ROBO1: variants seen among roughly 807,000 people sequenced by gnomAD.
ROBO1 encodes the protein roundabout homolog 1.
Under a neutral mutation model 195.9 loss-of-function variants are expected in ROBO1, and 149 were observed. The observed-to-expected ratio is 0.76, with a 90% confidence interval of 0.67 to 0.87. ROBO1 has a LOEUF of 0.87. Among genes scored for constraint, ROBO1 ranks in the 40% least tolerant of loss-of-function variants. ROBO1 has a pLI of 0.00. For missense variants in ROBO1, 1,933 were observed against 2,068.3 expected, an observed-to-expected ratio of 0.93 and a Z score of 1.27; for synonymous variants, 816 against 733.2, an observed-to-expected ratio of 1.11 and a Z score of -1.82.
chr3:78,849,356 C>T (rs2033882731), intron 4 of ROBO1, among the ~76,000 whole-genome samples: 1 of 151,848 alleles, frequency 6.6e-6, no homozygotes, highest in African/African-American at 2.4e-5. Flanking sequence ...TATTTTGGAC[C>T]CCAATTTATC....
intron 2 of ROBO1, among the ~76,000 whole-genome samples, chr3:79,175,142 A>C (rs2081243262): frequency 1.3e-5 from 2 of 152,176 alleles, no homozygotes; most frequent in African/African-American, 4.8e-5. Flanking sequence ...AGTTTATTTT[A>C]GGGTTCTCTC....
chr3:79,534,018 T>C lies in ROBO1; in HGVS notation c.88+55806A>G, dbSNP rs540583266. 2.6e-5 allele frequency among the ~76,000 whole-genome samples: 4 copies of C among 152,064 alleles called. No individual in the cohort carries two copies. The South Asian group carries it at 8.3e-4, about 32-fold the overall frequency. ...TAGTCCAGTGTGCTCACGAGGGTCC[T>C]TAAATGCAGAAGAGGAAAGCAGATG... On this transcript the variant is annotated intron_variant, in intron 2 of 30. Coordinates refer to ENST00000464233, the MANE Select transcript of ROBO1 (RefSeq NM_002941.4).
intron 2 of ROBO1, among the ~76,000 whole-genome samples, chr3:79,221,708 A>C (rs1237061930): frequency 2.0e-5 from 3 of 152,110 alleles, no homozygotes; most frequent in Non-Finnish European, 2.9e-5. Context: ...GAAAATATAC[A>C]TTTTTGGTAC....
intron 2 of ROBO1, among the ~76,000 whole-genome samples, chr3:79,556,094 CTTTAG>C (rs1384000556): frequency 6.6e-6 from 1 of 151,914 alleles, no homozygotes; most frequent in African/African-American, 2.4e-5. Context: ...GTCAAAATGC[CTTTAG>C]TTTAGTAAAC....
At chr3:79,400,154 C>T (rs1375120928) in intron 2 of ROBO1, among the ~76,000 whole-genome samples, 3 of 152,006 alleles carry the variant, frequency 2.0e-5, no homozygotes, top group Non-Finnish European at 4.4e-5. Context: ...AAAAATACTG[C>T]AATCAGCTAA....
At chr3:79,192,852 G>T (rs150822517) in intron 2 of ROBO1, among the ~76,000 whole-genome samples, 1 of 151,768 alleles carries the variant, frequency 6.6e-6, no homozygotes, top group East Asian at 1.9e-4. Context: ...TGTTTATTTA[G>T]GAGGGGAAGG....
chr3:79,412,209 C>T (rs1327614305), intron 2 of ROBO1, among the ~76,000 whole-genome samples: 2 of 152,100 alleles, frequency 1.3e-5, no homozygotes, highest in African/African-American at 4.8e-5. Context: ...TTTGAATTAT[C>T]AGGCAAGGTT....
chr3:78,711,325 C>CCT lies in ROBO1; in HGVS notation c.1045+3071_1045+3072insAG, dbSNP rs755354146. Among the ~76,000 whole-genome samples, 158 of 104,862 alleles carry CCT rather than the reference C, an allele frequency of 1.5e-3. 4 individuals carry two copies. Among genetic ancestry groups the CCT allele is most frequent in the African/African-American group, 4.7e-3 (135 of 28,516 alleles). 68.8% of individuals were successfully genotyped at this position (104,862 alleles called of 152,430 possible). On this transcript the variant is annotated intron_variant, in intron 8 of 30. Coordinates refer to ENST00000464233, the MANE Select transcript of ROBO1 (RefSeq NM_002941.4). ...TTTCTTTCTTTCTTTCTCTCTCTCTCTCCTTCCTTCCTTCCTTCCTTCCTC... is the reference window on the plus strand; with the variant it reads ...TTTCTTTCTTTCTTTCTCTCTCTCTCCTTCCTTCCTTCCTTCCTTCCTTCCTC...
In ROBO1 at chr3:79,300,896, G is replaced by T. The variant is rs188622496; in HGVS notation, c.89-175357C>A. Among the ~76,000 whole-genome samples, 188 of 152,166 alleles carry T rather than the reference G, an allele frequency of 1.2e-3. 7 individuals carry two copies. The South Asian group carries it at 0.038, about 31-fold the overall frequency. On this transcript the variant is annotated intron_variant, in intron 2 of 30. Coordinates refer to ENST00000464233, the MANE Select transcript of ROBO1 (RefSeq NM_002941.4). ...CACTCTGTATCTAGCTAATCTGTTG[G>T]GGAGGTGGAGAACCTTTGTGTCTAG...
At chr3:79,598,934 C>T (rs1235741230) in intron 1 of ROBO1, among the ~76,000 whole-genome samples, 1 of 152,104 alleles carries the variant, frequency 6.6e-6, no homozygotes, top group South Asian at 2.1e-4. Flanking sequence ...GACAACTTCA[C>T]TGCTGGCACA....
At chr3:78,660,016 G>A (rs534945501) in intron 16 of ROBO1, 53 of 320,648 alleles carry the variant, frequency 1.7e-4, no homozygotes, top group Admixed American at 6.1e-4. Flanking sequence ...CCCCTCCCGG[G>A]TTCAAGCGAT....
intron 2 of ROBO1, among the ~76,000 whole-genome samples, chr3:79,475,770 T>C (rs1391759880): frequency 6.6e-6 from 1 of 152,014 alleles, no homozygotes; most frequent in East Asian, 1.9e-4. Flanking sequence ...AACAAAGGCA[T>C]AAAATGTGCA....
chr3:79,740,040 C>T (rs911793899), intron 1 of ROBO1, among the ~76,000 whole-genome samples: 6 of 151,364 alleles, frequency 4.0e-5, no homozygotes, highest in Non-Finnish European at 7.4e-5. Flanking sequence ...TATGACATAG[C>T]ATTTCTGAAG....
chr3:79,375,734 C>T (rs890899589), intron 2 of ROBO1, among the ~76,000 whole-genome samples: 2 of 152,092 alleles, frequency 1.3e-5, no homozygotes. Flanking sequence ...TCAGTCCTCG[C>T]TATATTAACA....
chr3:79,037,509 CT>C (rs1206730080), intron 3 of ROBO1, among the ~76,000 whole-genome samples: 1 of 152,034 alleles, frequency 6.6e-6, no homozygotes, highest in African/African-American at 2.4e-5. Context: ...CTCAAATATT[CT>C]TTTTTGATGT....
intron 11 of ROBO1, 56 bp downstream of exon 11, chr3:78,670,040 G>A (rs1707971555): frequency 7.2e-7 from 1 of 1,384,584 alleles, no homozygotes; most frequent in African/African-American, 1.4e-5. Context: ...GCCAGTTGTT[G>A]GAGGCAGAAA....
chr3:79,323,537 T>C (rs760634700), intron 2 of ROBO1, among the ~76,000 whole-genome samples: 13 of 152,228 alleles, frequency 8.5e-5, no homozygotes, highest in Non-Finnish European at 1.5e-4. Flanking sequence ...TGCATGCATT[T>C]ACTAATTATA....
intron 4 of ROBO1, among the ~76,000 whole-genome samples, chr3:78,799,472 G>A (rs1358605188): frequency 6.6e-6 from 1 of 151,986 alleles, no homozygotes; most frequent in Non-Finnish European, 1.5e-5. Context: ...CTCCTGAGTA[G>A]CTGGGACTAC....
At position 78,711,423 on chromosome 3, in the gene ROBO1, CTTTCTTTCTTTCTTTCT is replaced by C. The variant is rs1559773843; in HGVS notation, c.1045+2957_1045+2973del. 6.4e-4 allele frequency among the ~76,000 whole-genome samples: 67 copies of C among 105,456 alleles called. 1 individual carries two copies. The highest frequency in any genetic ancestry group is 1.6e-3 in the African/African-American group (39 of 24,568). 69.2% of individuals were successfully genotyped at this position (105,456 alleles called of 152,430 possible). A position where few individuals can be genotyped will look rare whatever the true frequency, so the allele number is the denominator to read the frequency against. The stretch of plus-strand genomic sequence containing the variant: ...CCTTTCTTTCTTTCTTTCTTTCTTT[CTTTCTTTCTTTCTTTCT>C]TTCCTTCCTTCCTTCCTTCCTTCCT... On this transcript the variant is annotated intron_variant, in intron 8 of 30. Transcript: ENST00000464233.
Sources: allele counts gnomAD v4.1 joint callset (sites outside exome capture counted in the v4.1 genomes callset), GRCh38; gene constraint gnomAD v4.1.1; transcripts MANE v1.5; gene names NCBI Gene and HGNC (gene_info 2026-07-23, HGNC 2026-07-21).